The following MAPK10 variants were observed in gnomAD, a reference collection of about 807,000 sequenced individuals.
MAPK10 encodes the protein mitogen-activated protein kinase 10.
MAPK10 carries 25 observed loss-of-function variants against 59.3 expected under a neutral mutation model. That is an observed-to-expected ratio of 0.42 (90% CI 0.31 to 0.59). The LOEUF is 0.59. MAPK10 is among the 20% of genes least tolerant of loss of function. MAPK10 has a pLI of 0.15. For missense variants in MAPK10, 351 were observed against 568.9 expected (o/e 0.62, Z 3.90); for synonymous variants, 190 against 200.5 (o/e 0.95, Z 0.44).
intron 11 of MAPK10, among the ~76,000 whole-genome samples, chr4:86,057,344 T>G (rs1257660282): frequency 6.7e-6 from 1 of 150,272 alleles, no homozygotes; most frequent in Non-Finnish European, 1.5e-5. Flanking sequence ...GATGCACATC[T>G]GGTTGAAGAT....
At chr4:86,336,844 G>C (rs770618780) in intron 2 of MAPK10, among the ~76,000 whole-genome samples, 6 of 129,850 alleles carry the variant, frequency 4.6e-5, no homozygotes, top group Non-Finnish European at 9.2e-5. Context: ...AGGCTGGAGT[G>C]CAGTGGTGCG....
intron 2 of MAPK10, among the ~76,000 whole-genome samples, chr4:86,299,273 T>C (rs892624053): frequency 4.6e-5 from 7 of 152,308 alleles, no homozygotes; most frequent in Admixed American, 4.6e-4. Context: ...TTTGGCAACA[T>C]ATATTTAAGT....
At chr4:86,192,418 T>G (rs533575536) in intron 3 of MAPK10, 2 of 152,154 alleles carry the variant, frequency 1.3e-5, no homozygotes, top group African/African-American at 4.8e-5. Flanking sequence ...CAATCAAACA[T>G]AGGTTTGGTC....
At chr4:86,564,901 T>A (rs1317835892) in intron 1 of MAPK10, among the ~76,000 whole-genome samples, 2 of 152,262 alleles carry the variant, frequency 1.3e-5, no homozygotes, top group Admixed American at 6.5e-5. Flanking sequence ...AAGCATGAGA[T>A]GGCGGGGGAA....
intron 9 of MAPK10, chr4:86,095,180 TA>T (rs2053996519): frequency 6.6e-6 from 1 of 151,710 alleles, no homozygotes; most frequent in African/African-American, 2.4e-5. Context: ...TCTAATTCAG[TA>T]ACCAAGACAA....
intron 4 of MAPK10, among the ~76,000 whole-genome samples, chr4:86,109,238 A>G (rs1408682694): frequency 6.6e-6 from 1 of 152,208 alleles, no homozygotes; most frequent in Non-Finnish European, 1.5e-5. Flanking sequence ...AATTTATTTT[A>G]TTTAAAGTTC....
Position 86,016,849 on chromosome 4 carries a change from C to G in MAPK10, c.*379G>C. On this transcript the variant is annotated 3_prime_UTR_variant, in exon 14 of 14. Coordinates refer to ENST00000641462, the MANE Select transcript of MAPK10 (RefSeq NM_138982.4). The stretch of plus-strand genomic sequence containing the variant: ...GATGCAAGATAGAGACACACACATG[C>G]TGGATGGGGCCACTGCACACCTTGT... 2 of 206,540 alleles carry G rather than the reference C, an allele frequency of 9.7e-6. No individual in the cohort carries two copies. Among genetic ancestry groups the G allele is most frequent in the South Asian group, 7.9e-5 (1 of 12,660 alleles). 12.8% of individuals were successfully genotyped at this position (206,540 alleles called of 1,614,324 possible).
chr4:86,198,398 A>C (rs1305382932), intron 2 of MAPK10, among the ~76,000 whole-genome samples: 1 of 152,060 alleles, frequency 6.6e-6, no homozygotes, highest in Non-Finnish European at 1.5e-5. Context: ...CGAGGAACTG[A>C]CATGAGTTCT....
intron 1 of MAPK10, among the ~76,000 whole-genome samples, chr4:86,399,241 T>C (rs975303177): frequency 6.6e-6 from 1 of 152,208 alleles, no homozygotes; most frequent in Non-Finnish European, 1.5e-5. Context: ...AAGCATTCCC[T>C]TTCCTCCACA....
rs528327888 is a variant in MAPK10 at position 86,236,991 on chromosome 4, C to A, written c.-6-42584G>T. ...CATCCTCTAAGTTGCCTCCCCTAGA[C>A]CCCCCATCCCCCAAACAGGCCATAG... On this transcript the variant is annotated intron_variant, in intron 2 of 13. Transcript: ENST00000641462. 1.3e-4 allele frequency among the ~76,000 whole-genome samples: 19 copies of A among 146,440 alleles called. No individual in the cohort carries two copies. In the South Asian group the frequency reaches 1.9e-3, roughly 14 times the overall value.
intron 4 of MAPK10, chr4:86,107,712 A>G: frequency 1.0e-6 from 1 of 972,376 alleles, no homozygotes; most frequent in Non-Finnish European, 1.2e-6. Context: ...CCCACTAGCC[A>G]TGTGACTATG....
intron 2 of MAPK10, among the ~76,000 whole-genome samples, chr4:86,320,719 T>C (rs1475962011): frequency 2.0e-5 from 3 of 152,208 alleles, no homozygotes; most frequent in African/African-American, 7.2e-5. Flanking sequence ...GTTTTAGACA[T>C]GAAGCCTTGC....
intron 2 of MAPK10, among the ~76,000 whole-genome samples, chr4:86,210,990 TA>T (rs2085634208): frequency 6.7e-6 from 1 of 150,204 alleles, no homozygotes; most frequent in African/African-American, 2.4e-5. Flanking sequence ...AGCAGCAGAG[TA>T]AAGAATCAAT....
intron 2 of MAPK10, among the ~76,000 whole-genome samples, chr4:86,202,869 C>T (rs561796224): frequency 6.6e-6 from 1 of 151,984 alleles, no homozygotes; most frequent in Non-Finnish European, 1.5e-5. Flanking sequence ...TACAAAGTCA[C>T]TGCGTAACCT....
chr4:86,502,536 C>T (rs1427351127), intron 1 of MAPK10, among the ~76,000 whole-genome samples: 1 of 151,952 alleles, frequency 6.6e-6, no homozygotes, highest in African/African-American at 2.4e-5. Flanking sequence ...ACTCCTATAC[C>T]TCAGCATGCT....
At chr4:86,436,999 T>G (rs574564013) in intron 1 of MAPK10, among the ~76,000 whole-genome samples, 7 of 152,018 alleles carry the variant, frequency 4.6e-5, no homozygotes, top group African/African-American at 1.4e-4. Context: ...GATCACGAGG[T>G]CAGGAGATCG....
intron 11 of MAPK10, among the ~76,000 whole-genome samples, chr4:86,059,604 C>T (rs2045330562): frequency 6.6e-6 from 1 of 152,144 alleles, no homozygotes; most frequent in Admixed American, 6.6e-5. Flanking sequence ...AATTCCCACC[C>T]AACCCTGTCC....
At chr4:86,055,001 G>A (rs532871856) in intron 11 of MAPK10, among the ~76,000 whole-genome samples, 1 of 152,272 alleles carries the variant, frequency 6.6e-6, no homozygotes, top group South Asian at 2.1e-4. Flanking sequence ...GAATTTAAAT[G>A]ATGGCAGTTT....
At chr4:86,089,779 G>A (rs2052718227) in intron 9 of MAPK10, among the ~76,000 whole-genome samples, 1 of 152,106 alleles carries the variant, frequency 6.6e-6, no homozygotes, top group Non-Finnish European at 1.5e-5. Context: ...AGTTCCAGAA[G>A]TGAAAAGCCA....
Sources: gnomAD v4.1 joint callset for allele counts (sites outside exome capture counted in the v4.1 genomes callset) on GRCh38, gnomAD v4.1.1 for gene constraint, MANE v1.5 for transcripts, NCBI Gene and HGNC (gene_info 2026-07-23, HGNC 2026-07-21) for gene names.